Variants in LDLRAD3 observed in about 807,000 individuals in gnomAD.
The protein encoded by LDLRAD3 is low-density lipoprotein receptor class A domain-containing protein 3.
A neutral mutation model predicts 29.4 loss-of-function variants in LDLRAD3; 20 were observed. The ratio of observed to expected loss-of-function variants is 0.68; its 90% confidence interval spans 0.48 to 0.99. LDLRAD3 has a LOEUF of 0.99. LDLRAD3 is among the 50% of genes least tolerant of loss of function. The pLI, the probability that LDLRAD3 is intolerant of heterozygous loss-of-function variation, is 0.00. For synonymous variants in LDLRAD3, 157 were observed against 192.7 expected (o/e 0.81, Z 1.53); for missense variants, 420 against 454.3 (o/e 0.92, Z 0.69).
At chr11:36,083,911 T>C (rs1163151716) in intron 3 of LDLRAD3, among the ~76,000 whole-genome samples, 1 of 152,138 alleles carries the variant, frequency 6.6e-6, no homozygotes, top group Non-Finnish European at 1.5e-5. Flanking sequence ...GTTTGGACAT[T>C]TGTCTTTAAT....
intron 1 of LDLRAD3, among the ~76,000 whole-genome samples, chr11:36,022,480 T>C (rs1852110385): frequency 6.6e-6 from 1 of 152,122 alleles, no homozygotes; most frequent in Non-Finnish European, 1.5e-5. Flanking sequence ...CAGTGAGAAT[T>C]CTAATGTTTC....
chr11:36,025,745 TGCC>T, intron 1 of LDLRAD3, among the ~76,000 whole-genome samples: 1 of 150,654 alleles, frequency 6.6e-6, no homozygotes, highest in East Asian at 2.0e-4. Flanking sequence ...CGATCCCAGT[TGCC>T]AGAGGTACCC....
intron 5 of LDLRAD3, 91 bp downstream of exon 5, chr11:36,227,521 C>T (rs963428044): frequency 9.8e-7 from 1 of 1,017,086 alleles, no homozygotes. Context: ...TAGGTCTTGC[C>T]AAGAGCCTGG....
intron 1 of LDLRAD3, among the ~76,000 whole-genome samples, chr11:36,029,368 A>G (rs1852206906): frequency 6.6e-6 from 1 of 150,986 alleles, no homozygotes; most frequent in African/African-American, 2.4e-5. Context: ...GAGGGCTGTT[A>G]AAGGGAGCAG....
At chr11:36,024,004 G>A (rs900993075) in intron 1 of LDLRAD3, among the ~76,000 whole-genome samples, 1 of 152,172 alleles carries the variant, frequency 6.6e-6, no homozygotes, top group Non-Finnish European at 1.5e-5. Context: ...GTCTTTAACT[G>A]TGTCCTTAAA....
At chr11:36,166,122 C>T (rs1337524627) in intron 4 of LDLRAD3, among the ~76,000 whole-genome samples, 3 of 152,020 alleles carry the variant, frequency 2.0e-5, no homozygotes, top group Non-Finnish European at 2.9e-5. Context: ...CTGCTCTTTC[C>T]GCTGAACATG....
intron 2 of LDLRAD3, among the ~76,000 whole-genome samples, chr11:36,069,845 T>C (rs985830235): frequency 6.6e-6 from 1 of 152,222 alleles, no homozygotes; most frequent in African/African-American, 2.4e-5. Context: ...ATTCTCATTC[T>C]TTGCAGGTGC....
At chr11:36,092,902 C>A (rs1294496050) in intron 3 of LDLRAD3, among the ~76,000 whole-genome samples, 4 of 152,180 alleles carry the variant, frequency 2.6e-5, no homozygotes, top group South Asian at 2.1e-4. Context: ...CTTGCTGCTA[C>A]GTTTGGGCTG....
intron 1 of LDLRAD3, among the ~76,000 whole-genome samples, chr11:35,992,467 A>T (rs937535910): frequency 6.6e-6 from 1 of 152,236 alleles, no homozygotes; most frequent in Non-Finnish European, 1.5e-5. Flanking sequence ...GGATGAATGG[A>T]TAAATAAAAT....
Position 35,988,647 on chromosome 11 carries a change from G to A in LDLRAD3, c.46+44503G>A, listed in dbSNP as rs182461272. On this transcript the variant is annotated intron_variant, in intron 1 of 5. Transcript: ENST00000315571. ...CACCCAGGCTGGAGTGCAGTGGTGCGATCTTGGCCCATTGCAACCTCCACT... is the reference window on the plus strand; with the variant it reads ...CACCCAGGCTGGAGTGCAGTGGTGCAATCTTGGCCCATTGCAACCTCCACT... 8.6e-5 allele frequency among the ~76,000 whole-genome samples: 13 copies of A among 151,722 alleles called. No individual in the cohort carries two copies. The East Asian group carries it at 2.1e-3, about 25-fold the overall frequency.
intron 1 of LDLRAD3, chr11:35,968,418 G>T: frequency 2.7e-6 from 1 of 366,786 alleles, no homozygotes; most frequent in Non-Finnish European, 5.5e-6. Flanking sequence ...TTGCCTGGTT[G>T]GCCTGGTGTC....
At chr11:36,074,270 A>G (rs1009800261) in intron 2 of LDLRAD3, among the ~76,000 whole-genome samples, 6 of 152,234 alleles carry the variant, frequency 3.9e-5, no homozygotes, top group African/African-American at 1.4e-4. Context: ...GCTTAATACA[A>G]AACTGGGGAG....
At chr11:36,068,587 G>A (rs1260287914) in intron 2 of LDLRAD3, among the ~76,000 whole-genome samples, 3 of 152,176 alleles carry the variant, frequency 2.0e-5, no homozygotes, top group Admixed American at 2.0e-4. Flanking sequence ...CGCAATCTCA[G>A]CTCACTGCAA....
intron 2 of LDLRAD3, among the ~76,000 whole-genome samples, chr11:36,037,820 G>A (rs1212597181): frequency 6.6e-6 from 1 of 152,166 alleles, no homozygotes; most frequent in Admixed American, 6.5e-5. Context: ...AATTGGGGGT[G>A]TGTTATTTGG....
At position 36,133,059 on chromosome 11, in the gene LDLRAD3, G is replaced by C. The variant is rs183192873; in HGVS notation, c.454+34598G>C. Reference sequence around the variant, plus strand: ...GTCTAGTGTTTGGCCCATGGTATGTGCTCATTAAATTTTACCTTTGTTTAC... The same window carrying C: ...GTCTAGTGTTTGGCCCATGGTATGTCCTCATTAAATTTTACCTTTGTTTAC... On this transcript the variant is annotated intron_variant, in intron 4 of 5. Coordinates refer to ENST00000315571, the MANE Select transcript of LDLRAD3 (RefSeq NM_174902.4). Among the ~76,000 whole-genome samples, 13 of 152,274 alleles carry C rather than the reference G, an allele frequency of 8.5e-5. No homozygotes were observed. The East Asian group carries it at 2.5e-3, about 29-fold the overall frequency.
At chr11:36,066,699 A>G (rs1852800190) in intron 2 of LDLRAD3, among the ~76,000 whole-genome samples, 1 of 152,118 alleles carries the variant, frequency 6.6e-6, no homozygotes, top group East Asian at 1.9e-4. Flanking sequence ...GATGATAGCC[A>G]CTTTGAATTC....
At chr11:35,983,840 G>A (rs7941403) in intron 1 of LDLRAD3, among the ~76,000 whole-genome samples, 4,157 of 152,126 alleles carry the variant, frequency 0.027, 170 homozygotes, top group African/African-American at 0.095. Flanking sequence ...GGCCAGGCTG[G>A]CCTCGAACTC....
At chr11:36,001,500 AT>A (rs1816774532) in intron 1 of LDLRAD3, among the ~76,000 whole-genome samples, 1 of 152,212 alleles carries the variant, frequency 6.6e-6, no homozygotes. Context: ...TTATAAAAAA[AT>A]CTTTTAATCT....
chr11:36,133,547 C>CTT (rs67935336), intron 4 of LDLRAD3, among the ~76,000 whole-genome samples: 1,818 of 119,856 alleles, frequency 0.015, 41 homozygotes, highest in Middle Eastern at 0.033. Flanking sequence ...TTTTTCTTTT[C>CTT]TTTTTTTTTT....
Sources: allele counts gnomAD v4.1 joint callset (sites outside exome capture counted in the v4.1 genomes callset), GRCh38; gene constraint gnomAD v4.1.1; transcripts MANE v1.5; gene names NCBI Gene and HGNC (gene_info 2026-07-23, HGNC 2026-07-21).